CPXM1: variants seen among roughly 807,000 people sequenced by gnomAD.
CPXM1 encodes the protein probable carboxypeptidase X1.
Under a neutral mutation model 80.4 loss-of-function variants are expected in CPXM1, and 72 were observed. The observed-to-expected ratio is 0.90, with a 90% CI of 0.74 to 1.09. The LOEUF (loss-of-function observed/expected upper bound fraction) is 1.09. CPXM1 is among the 50% of genes least tolerant of loss of function. The pLI, the probability that CPXM1 is intolerant of heterozygous loss-of-function variation, is 0.00. For synonymous variants in CPXM1, 403 were observed against 405.6 expected (o/e 0.99, Z 0.08); for missense variants, 892 against 999.4 (o/e 0.89, Z 1.45).
chr20:2,798,584 C>A (rs775961308), intron 2 of CPXM1, 47 bp from the exon 3 acceptor site: 3 of 1,577,886 alleles, frequency 1.9e-6, no homozygotes, highest in Non-Finnish European at 2.6e-6. Context: ...GGAGGGTAGC[C>A]AGGGCAGGTG....
Position 2,796,586 on chromosome 20 carries a change from T to C in CPXM1, c.986A>G (p.Tyr329Cys). 1.2e-6 allele frequency: 2 copies of C among 1,614,178 alleles called. No individual in the cohort carries two copies. The highest frequency in any genetic ancestry group is 1.3e-5 in the African/African-American group (1 of 75,058). ...CATCACATACAGCTTCAGGCCCTGG[T>C]AGCTCTTCCCAATGCTGTAGATGCG... Reference protein sequence around the residue: ...ITRIYSIGKSYQGLKLYVMEM... With the variant: ...ITRIYSIGKSCQGLKLYVMEM... Residue 329 changes from tyrosine to cysteine, a missense_variant, in exon 8 of 14, where the codon TAC becomes TGC. Tyr to Cys is a radical substitution (Grantham distance 194). This residue lies in a region of CPXM1 where 874 missense variants were observed against 958.4 expected (regional missense o/e 0.91). Transcript: ENST00000380605. The surrounding 1 kb of genome is among the most constrained non-coding windows in gnomAD (Gnocchi z 6.8).
chr20:2,795,914 G>A lies in CPXM1; in HGVS notation c.1423-18C>T. The A allele has an allele frequency of 3.7e-6, 6 of 1,605,288 alleles. No homozygotes were observed. Among genetic ancestry groups the A allele is most frequent in the South Asian group, 1.1e-5 (1 of 90,442 alleles). ...GGAGCCACCTGGATGGGGCAGGTCA[G>A]GAGGGGCAGGAGACAGAGACAAGGT... On this transcript the variant is annotated intron_variant, in intron 10 of 13. Transcript: ENST00000380605. This position sits in a 1 kb window ranked among gnomAD's most constrained non-coding sequence, Gnocchi z 5.4.
At position 2,796,922 on chromosome 20, in the gene CPXM1, G is replaced by T; in HGVS notation, c.921+84C>A. ...GCAGGGGCATACAAGCGCAGTCACA[G>T]CAGGTTGTGCCCCGGTGGGAAGGTG... On this transcript the variant is annotated intron_variant, in intron 7 of 13. Coordinates refer to ENST00000380605, the MANE Select transcript of CPXM1 (RefSeq NM_019609.5). The surrounding 1 kb of genome is among the most constrained non-coding windows in gnomAD (Gnocchi z 6.8). The T allele has an allele frequency of 2.3e-6, 3 of 1,300,554 alleles. No individual in the cohort carries two copies. The highest frequency in any genetic ancestry group is 4.7e-5 in the East Asian group (2 of 42,720). The allele number at this position is 1,300,554 out of a possible 1,614,324, so 80.6% of individuals were successfully genotyped here.
Position 2,794,736 on chromosome 20 carries a change from A to G in CPXM1, c.1861-97T>C. The stretch of plus-strand genomic sequence containing the variant: ...TCTGTTGCCCTGCAAACCTGAGCAA[A>G]GTGGTAGGTCTACTGTGTTCCTAGG... On this transcript the variant is annotated intron_variant, in intron 12 of 13. Transcript: ENST00000380605. This position sits in a 1 kb window ranked among gnomAD's most constrained non-coding sequence, Gnocchi z 5.2. 1.1e-6 allele frequency: 1 copy of G among 883,892 alleles called. No homozygotes were observed. Among genetic ancestry groups the G allele is most frequent in the Non-Finnish European group, 1.8e-6 (1 of 541,542 alleles). 54.8% of individuals were successfully genotyped at this position (883,892 alleles called of 1,614,324 possible).
At chr20:2,797,925 C>A in intron 5 of CPXM1, 43 bp downstream of exon 5, 2 of 1,571,920 alleles carry the variant, frequency 1.3e-6, no homozygotes, top group Non-Finnish European at 1.8e-6. Flanking sequence ...ACTGGGTGCC[C>A]AACTCCCAGC....
chr20:2,798,633 A>G, intron 2 of CPXM1, 93 bp downstream of exon 2: 1 of 1,543,038 alleles, frequency 6.5e-7, no homozygotes, highest in South Asian at 1.2e-5. Flanking sequence ...CTAGGCAAGC[A>G]AGGGGCGTGC....
At position 2,795,888 on chromosome 20, in the gene CPXM1, AG is replaced by A. The variant is rs1466832414; in HGVS notation, c.1430del (p.Pro477LeufsTer6). On this transcript the variant is annotated frameshift_variant, in exon 11 of 14. Coordinates refer to ENST00000380605, the MANE Select transcript of CPXM1 (RefSeq NM_019609.5). LOFTEE classifies it high-confidence loss of function. This position sits in a 1 kb window ranked among gnomAD's most constrained non-coding sequence, Gnocchi z 5.4. ...YYTLPNATVA[P>X]ETRAVIKWMK... ...TCCACTTGATTACTGCCCGCGTTTC[AG>A]GAGCCACCTGGATGGGGCAGGTCAG... The A allele has an allele frequency of 1.9e-6, 3 of 1,609,664 alleles. No homozygotes were observed. In the South Asian group the frequency reaches 3.3e-5, roughly 18 times the overall value.
In CPXM1 at chr20:2,795,850, G is replaced by C; in HGVS notation, c.1469C>G (p.Pro490Arg). 1 of 1,612,246 alleles carries C rather than the reference G, an allele frequency of 6.2e-7. No individual in the cohort carries two copies. Among genetic ancestry groups the C allele is most frequent in the Non-Finnish European group, 8.5e-7 (1 of 1,179,894 alleles). The change falls in exon 11 of 14, where the codon CCC becomes CGC. Residue 490 changes from proline to arginine, a missense_variant. Around this residue, in one of 2 missense-constraint regions of CPXM1, gnomAD observed 874 missense variants for 958.4 expected, o/e 0.91. Transcript: ENST00000380605. The surrounding 1 kb of genome is among the most constrained non-coding windows in gnomAD (Gnocchi z 5.4). ...GTGGAGGTTGGCACTTAGCACAAAG[G>C]GGATCCGCTTCATCCACTTGATTAC... Reference protein sequence around the residue: ...RAVIKWMKRIPFVLSANLHGG... With the variant: ...RAVIKWMKRIRFVLSANLHGG...
rs755116809 is a variant in CPXM1 at position 2,795,414 on chromosome 20, T to C, written c.1723A>G (p.Met575Val). Residue 575 changes from methionine (M) to valine (V), a missense_variant and splice_region_variant, in exon 12 of 14, where the codon ATG becomes GTG. By Grantham distance (21) the Met-to-Val change is conservative. Coordinates refer to ENST00000380605, the MANE Select transcript of CPXM1 (RefSeq NM_019609.5). The surrounding 1 kb of genome is among the most constrained non-coding windows in gnomAD (Gnocchi z 5.4). ...GTGTGTAGGTAGCTGAAGTCATTCA[T>C]GCCTAAGGGGACCACAGACACTGCT... The part of the protein sequence containing the change: ...GADWHTVPGS[M>V]NDFSYLHTNC... 3.1e-6 allele frequency: 5 copies of C among 1,613,646 alleles called. No individual in the cohort carries two copies. The highest frequency in any genetic ancestry group is 4.2e-6 in the Non-Finnish European group (5 of 1,179,608).
Position 2,794,170 on chromosome 20 carries a change from G to A in CPXM1, c.*20C>T. 6.3e-7 allele frequency: 1 copy of A among 1,596,098 alleles called. No individual in the cohort carries two copies. Among genetic ancestry groups the A allele is most frequent in the Non-Finnish European group, 8.5e-7 (1 of 1,171,326 alleles). On this transcript the variant is annotated 3_prime_UTR_variant, in exon 14 of 14. Transcript: ENST00000380605. The surrounding 1 kb of genome is among the most constrained non-coding windows in gnomAD (Gnocchi z 5.2). Reference sequence around the variant, plus strand: ...GTCTTGACAGGTCCAGCCTGCCCTAGGGCTCTTAAACCGCAGGTATCAATC... The same window carrying A: ...GTCTTGACAGGTCCAGCCTGCCCTAAGGCTCTTAAACCGCAGGTATCAATC...
At position 2,795,796 on chromosome 20, in the gene CPXM1, A is replaced by C. The variant is rs1166163460; in HGVS notation, c.1523T>G (p.Phe508Cys). The change falls in exon 11 of 14, where the codon TTC becomes TGC. Residue 508 changes from phenylalanine (F) to cysteine (C), a missense_variant. Phe to Cys is a radical substitution (Grantham distance 205). Transcript: ENST00000380605. The surrounding 1 kb of genome is among the most constrained non-coding windows in gnomAD (Gnocchi z 5.4). ...AGCCCACGGGGTGCGAGTCATGTCGAATGGGTAGGACACCACGAGCTCACC... is the reference window on the plus strand; with the variant it reads ...AGCCCACGGGGTGCGAGTCATGTCGCATGGGTAGGACACCACGAGCTCACC... ...HGGELVVSYP[F>C]DMTRTPWAAR... The C allele has an allele frequency of 1.9e-6, 3 of 1,612,458 alleles. No individual in the cohort carries two copies. The African/African-American group carries it at 4.0e-5, about 21-fold the overall frequency.
At position 2,794,306 on chromosome 20, in the gene CPXM1, T is replaced by C; in HGVS notation, c.2089A>G (p.Asn697Asp). 6.2e-7 allele frequency: 1 copy of C among 1,614,044 alleles called. No homozygotes were observed. The highest frequency in any genetic ancestry group is 2.2e-5 in the East Asian group (1 of 44,872). ...VTFEEGPFPC[N>D]FVLTKTPKQR... ...TTGGGAGTCTTGGTGAGCACGAAATTGCAGGGGAAGGGGCCCTCTTCAAAG... is the reference window on the plus strand; with the variant it reads ...TTGGGAGTCTTGGTGAGCACGAAATCGCAGGGGAAGGGGCCCTCTTCAAAG... Residue 697 changes from asparagine to aspartate, a missense_variant, in exon 14 of 14, where the codon AAT (asparagine) becomes GAT (aspartate). Asn to Asp is a conservative substitution (Grantham distance 23). This residue lies in a region of CPXM1 where 874 missense variants were observed against 958.4 expected (regional missense o/e 0.91). Coordinates refer to ENST00000380605, the MANE Select transcript of CPXM1 (RefSeq NM_019609.5). The surrounding 1 kb of genome is among the most constrained non-coding windows in gnomAD (Gnocchi z 5.2).
intron 1 of CPXM1, among the ~76,000 whole-genome samples, chr20:2,799,965 G>C (rs1456507316): frequency 6.6e-6 from 1 of 152,230 alleles, no homozygotes; most frequent in East Asian, 1.9e-4. Flanking sequence ...TTGGGGCTTG[G>C]AAGAGGCAGC....
chr20:2,794,463 A>G lies in CPXM1; in HGVS notation c.1964-32T>C. On this transcript the variant is annotated intron_variant, in intron 13 of 13. Coordinates refer to ENST00000380605, the MANE Select transcript of CPXM1 (RefSeq NM_019609.5). The surrounding 1 kb of genome is among the most constrained non-coding windows in gnomAD (Gnocchi z 5.2). ...AGAGTGAAGGGCACGATCAGGACCC[A>G]ATTAATGATCTTCTGCTTCTTCCCG... The G allele has an allele frequency of 1.9e-6, 3 of 1,613,500 alleles. No individual in the cohort carries two copies. Among genetic ancestry groups the G allele is most frequent in the South Asian group, 2.2e-5 (2 of 91,040 alleles).
In CPXM1 at chr20:2,800,602, GC is replaced by G. The variant is rs1568603566; in HGVS notation, c.-31del. The G allele has an allele frequency of 3.0e-6, 4 of 1,316,138 alleles. No homozygotes were observed. The highest frequency in any genetic ancestry group is 3.9e-6 in the Non-Finnish European group (4 of 1,035,904). The allele number at this position is 1,316,138 out of a possible 1,614,324, so 81.5% of individuals were successfully genotyped here. On this transcript the variant is annotated 5_prime_UTR_variant, in exon 1 of 14. Transcript: ENST00000380605. ...GGGATTGAGTGCCAGGGGCGCGCGG[GC>G]TACGGCGGGTGGCGGGTCGGTCTCT...
chr20:2,798,083 C>A (rs1216420553), intron 4 of CPXM1, 25 bp from the exon 5 acceptor site: 1 of 1,613,980 alleles, frequency 6.2e-7, no homozygotes. Flanking sequence ...GGAGAGAGAT[C>A]ATCGGTGCCC....
chr20:2,798,604 G>A (rs2088534978), intron 2 of CPXM1, 67 bp from the exon 3 acceptor site: 2 of 1,558,292 alleles, frequency 1.3e-6, no homozygotes, highest in Non-Finnish European at 1.8e-6. Context: ...GGGAAGCTGA[G>A]CCTAAGGTTG....
In CPXM1 at chr20:2,794,382, C is replaced by T. The variant is rs1600264240; in HGVS notation, c.2013G>A (p.Val671=). 6.2e-7 allele frequency: 1 copy of T among 1,614,150 alleles called. No homozygotes were observed. The highest frequency in any genetic ancestry group is 8.5e-7 in the Non-Finnish European group (1 of 1,180,018). Residue 671 remains valine (V), a synonymous_variant, in exon 14 of 14, where the codon GTG becomes GTA. Transcript: ENST00000380605. The surrounding 1 kb of genome is among the most constrained non-coding windows in gnomAD (Gnocchi z 5.2). ...WRLLTPGDYM[V]TASAEGYHSV... is the part of the protein sequence containing the mutation. ...AATGGTAGCCCTCGGCACTGGCAGTCACCATGTAGTCCCCTGGGGTCAGCA... is the reference window on the plus strand; with the variant it reads ...AATGGTAGCCCTCGGCACTGGCAGTTACCATGTAGTCCCCTGGGGTCAGCA...
intron 1 of CPXM1, 119 bp downstream of exon 1, chr20:2,800,282 A>G (rs1001807255): frequency 3.1e-5 from 29 of 922,422 alleles, no homozygotes; most frequent in South Asian, 4.1e-5. Flanking sequence ...GTGAGTGTGC[A>G]TGACTGTGAG....
Sources: allele counts gnomAD v4.1 joint callset (sites outside exome capture counted in the v4.1 genomes callset), GRCh38; gene constraint gnomAD v4.1.1; regional missense constraint gnomAD v4.1.1; non-coding constraint Gnocchi (gnomAD v3.1); transcripts MANE v1.5; gene names NCBI Gene and HGNC (gene_info 2026-07-23, HGNC 2026-07-21).